CRYL1: variants seen among roughly 807,000 people sequenced by gnomAD.
CRYL1 encodes lambda-crystallin homolog.
In CRYL1, 29 loss-of-function variants were observed where a neutral mutation model predicts 36.6. The ratio of observed to expected loss-of-function variants is 0.79; its 90% CI spans 0.59 to 1.08. The LOEUF (loss-of-function observed/expected upper bound fraction) is 1.08, where lower values mean the gene tolerates loss of function less well. Among genes scored for constraint, CRYL1 ranks in the 50% least tolerant of loss-of-function variants. The pLI is 0.00. For synonymous variants in CRYL1, 152 were observed against 151.5 expected (o/e 1.00, Z -0.02); for missense variants, 411 against 407.9 (o/e 1.01, Z -0.06).
chr13:20,426,192 C>T (rs568062820), intron 5 of CRYL1, among the ~76,000 whole-genome samples: 13 of 151,306 alleles, frequency 8.6e-5, no homozygotes, highest in African/African-American at 2.7e-4. Context: ...TTTGCAAGAG[C>T]GATTCTCATC....
chr13:20,509,401 G>A (rs1034516646), intron 2 of CRYL1, among the ~76,000 whole-genome samples: 2 of 151,742 alleles, frequency 1.3e-5, no homozygotes, highest in Admixed American at 1.3e-4. Flanking sequence ...GCACTATGAT[G>A]GACCAGAATC....
At chr13:20,456,485 A>C (rs1424355088) in intron 3 of CRYL1, among the ~76,000 whole-genome samples, 2 of 148,670 alleles carry the variant, frequency 1.3e-5, no homozygotes, top group East Asian at 1.9e-4. Context: ...AAAACAAAAA[A>C]AAAAAAAAAA....
chr13:20,464,453 GT>G (rs1403677904), intron 3 of CRYL1, among the ~76,000 whole-genome samples: 1 of 152,138 alleles, frequency 6.6e-6, no homozygotes, highest in Non-Finnish European at 1.5e-5. Flanking sequence ...TAGTGTTACT[GT>G]TATTTTCTGA....
At chr13:20,405,270 CA>C (rs1191835975) in intron 6 of CRYL1, among the ~76,000 whole-genome samples, 282 of 128,954 alleles carry the variant, frequency 2.2e-3, no homozygotes, top group Middle Eastern at 0.012. Flanking sequence ...GACTCCGTCT[CA>C]AAAAAAAAAA....
intron 3 of CRYL1, among the ~76,000 whole-genome samples, chr13:20,454,609 C>T (rs980018626): frequency 2.0e-5 from 3 of 152,130 alleles, no homozygotes; most frequent in African/African-American, 7.2e-5. Context: ...TTAGTAGAGA[C>T]GGGGTTTCAC....
At chr13:20,521,138 GAAGGAAGA>G (rs2034089187) in intron 1 of CRYL1, among the ~76,000 whole-genome samples, 1 of 22,998 alleles carries the variant, frequency 4.3e-5, no homozygotes, top group African/African-American at 6.4e-5. Context: ...AAGAAAGAAA[GAAGGAAGA>G]AAGGAAGGAA....
intron 3 of CRYL1, among the ~76,000 whole-genome samples, chr13:20,454,385 A>G (rs74724256): frequency 4.6e-5 from 7 of 151,616 alleles, no homozygotes; most frequent in African/African-American, 1.5e-4. Context: ...AAAAAAAAAA[A>G]TCAGTTCACA....
chr13:20,451,343 C>T (rs35703882), intron 3 of CRYL1, among the ~76,000 whole-genome samples: 6,987 of 152,022 alleles, frequency 0.046, 340 homozygotes, highest in Admixed American at 0.16. Flanking sequence ...CTATCAACAG[C>T]GTAAAAAGAC....
intron 3 of CRYL1, among the ~76,000 whole-genome samples, chr13:20,467,397 T>G (rs2032961017): frequency 6.6e-6 from 1 of 152,246 alleles, no homozygotes; most frequent in African/African-American, 2.4e-5. Flanking sequence ...AAGAGAGCTA[T>G]AGCAGGGACC....
intron 5 of CRYL1, chr13:20,419,056 G>T (rs1331787551): frequency 6.6e-6 from 1 of 152,146 alleles, no homozygotes; most frequent in African/African-American, 2.4e-5. Flanking sequence ...CAAGAAGAAA[G>T]GATTACACCA....
chr13:20,502,672 T>C (rs2033724174), intron 2 of CRYL1, among the ~76,000 whole-genome samples: 6 of 151,500 alleles, frequency 4.0e-5, no homozygotes, highest in Admixed American at 1.3e-4. Flanking sequence ...AAAGGTCTCC[T>C]CCCCTCCTCC....
At position 20,416,934 on chromosome 13, in the gene CRYL1, A is replaced by T. The variant is rs150869256; in HGVS notation, c.634-3547T>A. 7.0e-3 allele frequency among the ~76,000 whole-genome samples: 1,062 copies of T among 152,294 alleles called. 14 individuals carry two copies. The highest frequency in any genetic ancestry group is 0.051 in the Middle Eastern group (15 of 294). On this transcript the variant is annotated intron_variant, in intron 5 of 7. Coordinates refer to ENST00000298248, the MANE Select transcript of CRYL1 (RefSeq NM_015974.3). ...AGAGGAGGGCTGTGGGTCTTCCATC[A>T]GTCACTATTCACCAGTAGAACAAGT...
At chr13:20,509,791 G>A (rs752712887) in intron 2 of CRYL1, among the ~76,000 whole-genome samples, 126 of 152,248 alleles carry the variant, frequency 8.3e-4, no homozygotes, top group Non-Finnish European at 7.1e-4. Flanking sequence ...TTAGCTGGGC[G>A]TAGTGGCAGT....
intron 3 of CRYL1, among the ~76,000 whole-genome samples, chr13:20,457,955 C>T (rs548343538): frequency 3.3e-5 from 5 of 152,086 alleles, no homozygotes; most frequent in East Asian, 1.9e-4. Context: ...GGCAGAGCCT[C>T]GAAAGCCAGG....
In CRYL1 at chr13:20,415,220, G is replaced by A. The variant is rs920023939; in HGVS notation, c.634-1833C>T. ...GCTGGGGGCTTGCTCCGCCCGGAGGGCTCTGCGGGGACCCTGGCACAGCGG... is the reference window on the plus strand; with the variant it reads ...GCTGGGGGCTTGCTCCGCCCGGAGGACTCTGCGGGGACCCTGGCACAGCGG... On this transcript the variant is annotated intron_variant, in intron 5 of 7. Transcript: ENST00000298248. This position sits in a 1 kb window ranked among gnomAD's most constrained non-coding sequence, Gnocchi z 4.1. Among the ~76,000 whole-genome samples the A allele has an allele frequency of 6.6e-6, 1 of 152,206 alleles. No individual in the cohort carries two copies. The highest frequency in any genetic ancestry group is 2.1e-4 in the South Asian group (1 of 4,836).
chr13:20,457,067 T>C (rs1291280204), intron 3 of CRYL1, among the ~76,000 whole-genome samples: 1 of 152,064 alleles, frequency 6.6e-6, no homozygotes, highest in Non-Finnish European at 1.5e-5. Context: ...CAGTCCCAGC[T>C]TGAGAGTCCC....
intron 3 of CRYL1, among the ~76,000 whole-genome samples, chr13:20,483,944 G>C (rs2033338349): frequency 6.6e-6 from 1 of 152,154 alleles, no homozygotes; most frequent in Non-Finnish European, 1.5e-5. Flanking sequence ...AGCCTCCCGG[G>C]TAGCTGGGAC....
At chr13:20,456,631 C>T (rs2032692957) in intron 3 of CRYL1, among the ~76,000 whole-genome samples, 2 of 39,938 alleles carry the variant, frequency 5.0e-5, no homozygotes, top group South Asian at 5.3e-4. Context: ...CACACACACA[C>T]ACACACAAAG....
intron 4 of CRYL1, among the ~76,000 whole-genome samples, chr13:20,434,089 C>A (rs1359330029): frequency 6.6e-6 from 1 of 152,196 alleles, no homozygotes; most frequent in African/African-American, 2.4e-5. Flanking sequence ...CCCATGGTCC[C>A]CAACCCTGGC....
Sources: allele counts gnomAD v4.1 joint callset (sites outside exome capture counted in the v4.1 genomes callset), GRCh38; gene constraint gnomAD v4.1.1; non-coding constraint Gnocchi (gnomAD v3.1); transcripts MANE v1.5; gene names NCBI Gene and HGNC (gene_info 2026-07-23, HGNC 2026-07-21).